The following KIAA1549L variants were observed in gnomAD, a reference collection of about 807,000 sequenced individuals.
KIAA1549L encodes KIAA1549 like, also known as UPF0606 protein KIAA1549L.
In KIAA1549L, 88 loss-of-function variants were observed where a neutral mutation model predicts 160.7. The ratio of observed to expected loss-of-function variants is 0.55; its 90% CI spans 0.46 to 0.65. The LOEUF (loss-of-function observed/expected upper bound fraction) is 0.65. Ranked by LOEUF, KIAA1549L falls within the 30% of genes least tolerant of loss-of-function variation. The probability of loss-of-function intolerance (pLI) is 0.00; values close to 1 mark genes in which losing one functional copy is unlikely to be tolerated. For missense variants in KIAA1549L, 2,258 were observed against 2,437.5 expected (o/e 0.93, Z 1.55); for synonymous variants, 950 against 976.7 (o/e 0.97, Z 0.51).
chr11:33,652,598 G>A (rs1851928732), intron 17 of KIAA1549L, among the ~76,000 whole-genome samples: 1 of 152,326 alleles, frequency 6.6e-6, no homozygotes, highest in East Asian at 1.9e-4. Context: ...TACAGAATAA[G>A]CCTTCCAACA....
intron 15 of KIAA1549L, among the ~76,000 whole-genome samples, chr11:33,610,706 G>A (rs1590395505): frequency 6.6e-6 from 1 of 152,252 alleles, no homozygotes; most frequent in South Asian, 2.1e-4. Context: ...TCCTGTCCCA[G>A]CAAGGAAGGG....
intron 1 of KIAA1549L, among the ~76,000 whole-genome samples, chr11:33,483,409 A>T (rs1486232438): frequency 6.6e-6 from 1 of 152,092 alleles, no homozygotes; most frequent in African/African-American, 2.4e-5. Context: ...GGGTACATTC[A>T]CCTAGAGACC....
intron 1 of KIAA1549L, among the ~76,000 whole-genome samples, chr11:33,540,145 C>T (rs1372772375): frequency 6.6e-6 from 1 of 152,140 alleles, no homozygotes; most frequent in Non-Finnish European, 1.5e-5. Context: ...ATCCTGTTTG[C>T]AGAATTTTTG....
Position 33,559,794 on chromosome 11 carries a change from G to T in KIAA1549L, c.3901G>T (p.Val1301Phe), listed in dbSNP as rs755959751. The T allele has an allele frequency of 6.2e-7, 1 of 1,613,854 alleles. No homozygotes were observed. Among genetic ancestry groups the T allele is most frequent in the African/African-American group, 1.3e-5 (1 of 74,922 alleles). Residue 1301 changes from valine (V) to phenylalanine (F), a missense_variant, in exon 7 of 21, where the codon GTC becomes TTC. By Grantham distance (50) the Val-to-Phe change is conservative (BLOSUM62 -1). Around this residue, in one of 6 missense-constraint regions of KIAA1549L, gnomAD observed 1,359 missense variants for 1,546.6 expected, o/e 0.88. Transcript: ENST00000658780. The part of the protein sequence containing the change: ...NASQAVTLVY[V>F]VGNQSTFLNG... Reference sequence around the variant, plus strand: ...CTCCCAGGCAGTCACCTTGGTGTACGTCGTGGGCAATCAGAGCACATTCCT... The same window carrying T: ...CTCCCAGGCAGTCACCTTGGTGTACTTCGTGGGCAATCAGAGCACATTCCT...
intron 9 of KIAA1549L, among the ~76,000 whole-genome samples, chr11:33,573,917 T>C (rs975826904): frequency 6.6e-6 from 1 of 152,200 alleles, no homozygotes; most frequent in African/African-American, 2.4e-5. Flanking sequence ...TTATGAGGTA[T>C]GCATCAGAAT....
chr11:33,433,254 GA>G lies in KIAA1549L; in HGVS notation c.238+56372del, dbSNP rs906248826. 5.9e-4 allele frequency among the ~76,000 whole-genome samples: 89 copies of G among 151,960 alleles called. 1 individual carries two copies. The Middle Eastern group carries it at 0.01, about 17-fold the overall frequency. Reference sequence around the variant, plus strand: ...TTACAAGACAAAAACATATTTACAAGAAAAAAAGCCCATCAAAAAGTGGGCA... The same window carrying G: ...TTACAAGACAAAAACATATTTACAAGAAAAAAGCCCATCAAAAAGTGGGCA... On this transcript the variant is annotated intron_variant, in intron 1 of 20. Coordinates refer to ENST00000658780, the MANE Select transcript of KIAA1549L (RefSeq NM_012194.3).
rs372690900 is a variant in KIAA1549L at position 33,633,274 on chromosome 11, T to C, written c.5410-12412T>C. ...TCTTTCTCCCAAAGTCCTGGGATTT[T>C]TACAGGTGTGAGTCACTGCGCCCAG... On this transcript the variant is annotated intron_variant, in intron 16 of 20. Coordinates refer to ENST00000658780, the MANE Select transcript of KIAA1549L (RefSeq NM_012194.3). Among the ~76,000 whole-genome samples, 5 of 151,570 alleles carry C rather than the reference T, an allele frequency of 3.3e-5. No homozygotes were observed. In the East Asian group the frequency reaches 9.7e-4, roughly 29 times the overall value.
intron 1 of KIAA1549L, among the ~76,000 whole-genome samples, chr11:33,496,563 AT>A (rs774555828): frequency 3.3e-5 from 5 of 152,116 alleles, no homozygotes; most frequent in Non-Finnish European, 5.9e-5. Flanking sequence ...CCTTGTCAGC[AT>A]TTCCACTACC....
chr11:33,609,280 G>A (rs1850585684), intron 14 of KIAA1549L, among the ~76,000 whole-genome samples: 1 of 152,232 alleles, frequency 6.6e-6, no homozygotes, highest in South Asian at 2.1e-4. Context: ...CACCCTGTCC[G>A]TCCCAGCTCA....
chr11:33,406,750 A>G (rs1206720616), intron 1 of KIAA1549L, among the ~76,000 whole-genome samples: 1 of 152,212 alleles, frequency 6.6e-6, no homozygotes, highest in Non-Finnish European at 1.5e-5. Context: ...GTAAAGGATC[A>G]GGCACCTACC....
At chr11:33,636,170 C>G (rs990786141) in intron 16 of KIAA1549L, among the ~76,000 whole-genome samples, 33 of 152,108 alleles carry the variant, frequency 2.2e-4, no homozygotes, top group African/African-American at 7.0e-4. Context: ...TGCTTGTGTT[C>G]AGGTAACCCT....
Position 33,413,313 on chromosome 11 carries a change from C to T in KIAA1549L, c.238+36424C>T, listed in dbSNP as rs1006872296. Among the ~76,000 whole-genome samples, 4 of 150,580 alleles carry T rather than the reference C, an allele frequency of 2.7e-5. 1 individual carries two copies. The highest frequency in any genetic ancestry group is 2.5e-5 in the African/African-American group (1 of 40,784). On this transcript the variant is annotated intron_variant, in intron 1 of 20. Transcript: ENST00000658780. ...TTAAGGCTGGGCGTGGTGGCATGTA[C>T]CTACAATCCCAGCTACTTAGGAGGC...
intron 8 of KIAA1549L, among the ~76,000 whole-genome samples, chr11:33,562,019 G>A (rs73490845): frequency 0.04 from 6,112 of 152,244 alleles, 412 homozygotes; most frequent in African/African-American, 0.14. Context: ...AAGGTCTAGG[G>A]CATCAGTTTA....
At chr11:33,425,302 C>T (rs1851094056) in intron 1 of KIAA1549L, among the ~76,000 whole-genome samples, 1 of 149,558 alleles carries the variant, frequency 6.7e-6, no homozygotes, top group Non-Finnish European at 1.5e-5. Context: ...TTAGAGGACT[C>T]TTGGTTCTCT....
At chr11:33,523,386 C>T (rs987942195) in intron 1 of KIAA1549L, among the ~76,000 whole-genome samples, 5 of 152,180 alleles carry the variant, frequency 3.3e-5, no homozygotes, top group Admixed American at 3.3e-4. Context: ...TTCTAAACTG[C>T]TTTGAATAGA....
At chr11:33,452,064 T>C (rs1377167470) in intron 1 of KIAA1549L, among the ~76,000 whole-genome samples, 1 of 152,086 alleles carries the variant, frequency 6.6e-6, no homozygotes, top group East Asian at 1.9e-4. Context: ...TACTCTTAAA[T>C]CCAAAATCCC....
At chr11:33,427,359 A>G (rs1488862272) in intron 1 of KIAA1549L, among the ~76,000 whole-genome samples, 3 of 152,030 alleles carry the variant, frequency 2.0e-5, no homozygotes, top group Non-Finnish European at 4.4e-5. Flanking sequence ...GTGGGAGACA[A>G]TATCCCCTCT....
At chr11:33,567,662 G>A (rs181800869) in intron 8 of KIAA1549L, among the ~76,000 whole-genome samples, 48 of 152,334 alleles carry the variant, frequency 3.2e-4, no homozygotes, top group African/African-American at 9.1e-4. Flanking sequence ...AAAAATACCC[G>A]TTAGCCATAC....
At chr11:33,431,462 G>A (rs1851241156) in intron 1 of KIAA1549L, among the ~76,000 whole-genome samples, 1 of 152,152 alleles carries the variant, frequency 6.6e-6, no homozygotes, top group Non-Finnish European at 1.5e-5. Flanking sequence ...GTTAGATACA[G>A]CGTATCGACA....
Sources: gnomAD v4.1 joint callset for allele counts (sites outside exome capture counted in the v4.1 genomes callset) on GRCh38, gnomAD v4.1.1 for gene constraint, gnomAD v4.1.1 regional missense constraint, MANE v1.5 for transcripts, NCBI Gene and HGNC (gene_info 2026-07-23, HGNC 2026-07-21) for gene names.